TCAIM: variants seen among roughly 807,000 people sequenced by gnomAD.
TCAIM encodes the protein T cell activation inhibitor, mitochondrial, also known as T-cell activation inhibitor, mitochondrial.
TCAIM carries 36 observed loss-of-function variants against 58.6 expected under a neutral mutation model. The ratio of observed to expected loss-of-function variants is 0.61; its 90% confidence interval spans 0.47 to 0.81. The LOEUF (loss-of-function observed/expected upper bound fraction) is 0.81, where lower values mean the gene tolerates loss of function less well. TCAIM is among the 30% of genes least tolerant of loss of function. TCAIM has a pLI of 0.00. For missense variants in TCAIM, 466 were observed against 579.6 expected (o/e 0.80, Z 2.01); for synonymous variants, 172 against 193.6 (o/e 0.89, Z 0.93).
chr3:44,395,949 T>C (rs1701926570), intron 6 of TCAIM, among the ~76,000 whole-genome samples: 2 of 152,140 alleles, frequency 1.3e-5, no homozygotes, highest in South Asian at 4.1e-4. Flanking sequence ...ATTACACCAC[T>C]GCACTCCCGC....
intron 4 of TCAIM, among the ~76,000 whole-genome samples, chr3:44,363,288 C>G (rs1047139354): frequency 6.6e-6 from 1 of 152,188 alleles, no homozygotes. Flanking sequence ...ACCACATTAT[C>G]TATTAATTCT....
intron 5 of TCAIM, among the ~76,000 whole-genome samples, chr3:44,387,776 A>G (rs576505054): frequency 8.5e-5 from 13 of 152,340 alleles, no homozygotes; most frequent in African/African-American, 2.6e-4. Context: ...AGGCAAAGAC[A>G]CTACCAACCA....
At chr3:44,401,704 C>G (rs924873765) in intron 10 of TCAIM, among the ~76,000 whole-genome samples, 9 of 152,178 alleles carry the variant, frequency 5.9e-5, no homozygotes, top group African/African-American at 1.9e-4. Flanking sequence ...TTATCTGTAT[C>G]TTGATTAAGT....
At chr3:44,393,030 A>G in intron 6 of TCAIM, 53 bp downstream of exon 6, 2 of 1,524,950 alleles carry the variant, frequency 1.3e-6, no homozygotes, top group Non-Finnish European at 1.8e-6. Context: ...ATGAATTACC[A>G]ACTGATAAGC....
intron 6 of TCAIM, among the ~76,000 whole-genome samples, chr3:44,395,356 G>A (rs778463894): frequency 5.3e-5 from 8 of 152,022 alleles, no homozygotes; most frequent in African/African-American, 1.9e-4. Flanking sequence ...TTTCTTGAGC[G>A]CCTGTTTTGA....
chr3:44,401,144 C>A, intron 9 of TCAIM, 59 bp from the exon 10 acceptor site: 1 of 1,562,566 alleles, frequency 6.4e-7, no homozygotes, highest in Non-Finnish European at 8.7e-7. Flanking sequence ...AAAATATTTT[C>A]TCTGGTGGGG....
chr3:44,351,058 A>T (rs1343413841), intron 1 of TCAIM, among the ~76,000 whole-genome samples: 1 of 152,134 alleles, frequency 6.6e-6, no homozygotes, highest in African/African-American at 2.4e-5. Context: ...CAGGCAGTGC[A>T]ATGGTGCGAT....
At chr3:44,367,284 A>G (rs1277591403) in intron 4 of TCAIM, among the ~76,000 whole-genome samples, 172 bp from the exon 5 acceptor site, 1 of 152,206 alleles carries the variant, frequency 6.6e-6, no homozygotes, top group Admixed American at 6.5e-5. Flanking sequence ...TGAAGGTAAA[A>G]ATAGTGTGGT....
chr3:44,367,572 C>G lies in TCAIM; in HGVS notation c.436C>G (p.His146Asp). 1.9e-6 allele frequency: 3 copies of G among 1,614,110 alleles called. No individual in the cohort carries two copies. Among genetic ancestry groups the G allele is most frequent in the Non-Finnish European group, 2.5e-6 (3 of 1,180,014 alleles). The change falls in exon 5 of 11, where the codon CAT becomes GAT. Residue 146 changes from histidine (H) to aspartate (D), a missense_variant. Transcript: ENST00000342649. ...EHIQSLNTNM[H>D]TQPLKEAKRM... ...TATCCAAAGCTTGAATACTAATATG[C>G]ATACCCAGCCTCTCAAAGAAGCTAA...
intron 10 of TCAIM, among the ~76,000 whole-genome samples, chr3:44,405,879 G>GA (rs1559377980): frequency 6.7e-6 from 1 of 148,694 alleles, no homozygotes; most frequent in Non-Finnish European, 1.5e-5. Flanking sequence ...TTGAACCTGG[G>GA]AAGCAGAGGT....
At chr3:44,375,459 T>C (rs781392104) in intron 5 of TCAIM, among the ~76,000 whole-genome samples, 1 of 152,184 alleles carries the variant, frequency 6.6e-6, no homozygotes, top group Non-Finnish European at 1.5e-5. Flanking sequence ...AATCAGATCT[T>C]ATGGAAACTA....
chr3:44,386,209 CAAAAAAAAAAA>C (rs10576012), intron 5 of TCAIM, among the ~76,000 whole-genome samples: 12 of 54,988 alleles, frequency 2.2e-4, no homozygotes, highest in Non-Finnish European at 3.2e-4. Context: ...CCAGAAGCTC[CAAAAAAAAAAA>C]AAAAAAAAAA....
intron 1 of TCAIM, among the ~76,000 whole-genome samples, chr3:44,342,091 T>C (rs1247777635): frequency 6.6e-6 from 1 of 152,224 alleles, no homozygotes; most frequent in Non-Finnish European, 1.5e-5. Context: ...TCTTTATTAC[T>C]AGTATTAGAA....
intron 10 of TCAIM, among the ~76,000 whole-genome samples, chr3:44,402,998 G>A (rs1395282833): frequency 6.6e-6 from 1 of 152,160 alleles, no homozygotes; most frequent in Admixed American, 6.6e-5. Flanking sequence ...GCTAGATATG[G>A]TGGCTCACAC....
intron 5 of TCAIM, among the ~76,000 whole-genome samples, chr3:44,385,130 T>TA (rs1701718452): frequency 6.6e-6 from 1 of 152,192 alleles, no homozygotes; most frequent in East Asian, 1.9e-4. Context: ...TTGGATTACT[T>TA]ACGATTGTCA....
At position 44,354,653 on chromosome 3, in the gene TCAIM, A is replaced by G. The variant is rs563927693; in HGVS notation, c.-44-86A>G. The G allele has an allele frequency of 1.2e-5, 10 of 867,300 alleles. No homozygotes were observed. In the African/African-American group the frequency reaches 1.5e-4, roughly 13 times the overall value. 53.7% of individuals were successfully genotyped at this position (867,300 alleles called of 1,614,324 possible). On this transcript the variant is annotated intron_variant, in intron 1 of 10. Coordinates refer to ENST00000342649, the MANE Select transcript of TCAIM (RefSeq NM_173826.4). ...TATAAGATTAATAACTAAGTATTTCATATTTTGGGGTGATAATATAAATCG... is the reference window on the plus strand; with the variant it reads ...TATAAGATTAATAACTAAGTATTTCGTATTTTGGGGTGATAATATAAATCG...
chr3:44,408,958 T>TTCC lies in TCAIM; in HGVS notation c.*1278_*1279insCTC, dbSNP rs1250315406. 1 of 152,196 alleles carries TTCC rather than the reference T, an allele frequency of 6.6e-6. No individual in the cohort carries two copies. Among genetic ancestry groups the TTCC allele is most frequent in the Non-Finnish European group, 1.5e-5 (1 of 68,032 alleles). The allele number at this position is 152,196 out of a possible 1,614,324, so 9.4% of individuals were successfully genotyped here. A position where few individuals can be genotyped will look rare whatever the true frequency, so the allele number is the denominator to read the frequency against. On this transcript the variant is annotated 3_prime_UTR_variant, in exon 11 of 11. Coordinates refer to ENST00000342649, the MANE Select transcript of TCAIM (RefSeq NM_173826.4). ...ATATTTTTAACCAACCCAAAAGCTC[T>TTCC]TCAGGTCATTTCTGAAGAGGACAAG...
At chr3:44,385,599 C>A (rs970022512) in intron 5 of TCAIM, among the ~76,000 whole-genome samples, 2 of 152,056 alleles carry the variant, frequency 1.3e-5, no homozygotes, top group African/African-American at 4.8e-5. Context: ...AAAAATTAGC[C>A]GGGAGTGGTG....
In TCAIM at chr3:44,408,362, T is replaced by G. The variant is rs1272788418; in HGVS notation, c.*680T>G. The G allele has an allele frequency of 6.6e-6, 1 of 152,220 alleles. No homozygotes were observed. The highest frequency in any genetic ancestry group is 2.4e-5 in the African/African-American group (1 of 41,440). 9.4% of individuals were successfully genotyped at this position (152,220 alleles called of 1,614,324 possible). On this transcript the variant is annotated 3_prime_UTR_variant, in exon 11 of 11. Transcript: ENST00000342649. Reference sequence around the variant, plus strand: ...ACAGTTAATGTCCAAAACAGGTGATTGATAGGTAACAGAAATTAGATAACC... The same window carrying G: ...ACAGTTAATGTCCAAAACAGGTGATGGATAGGTAACAGAAATTAGATAACC...
Sources: allele counts gnomAD v4.1 joint callset (sites outside exome capture counted in the v4.1 genomes callset), GRCh38; gene constraint gnomAD v4.1.1; transcripts MANE v1.5; gene names NCBI Gene and HGNC (gene_info 2026-07-23, HGNC 2026-07-21).